Variants in COG5 observed in about 807,000 individuals in gnomAD.
The protein encoded by COG5 is component of oligomeric golgi complex 5, also known as conserved oligomeric Golgi complex subunit 5.
Under a neutral mutation model 110.4 loss-of-function variants are expected in COG5, and 86 were observed. The ratio of observed to expected loss-of-function variants is 0.78; its 90% CI spans 0.65 to 0.93. The LOEUF (loss-of-function observed/expected upper bound fraction) is 0.93. Among genes scored for constraint, COG5 ranks in the 40% least tolerant of loss-of-function variants. The pLI, the probability that COG5 is intolerant of heterozygous loss-of-function variation, is 0.00. For missense variants in COG5, 1,077 were observed against 987.0 expected, an observed-to-expected ratio of 1.09 and a Z score of -1.22; for synonymous variants, 360 against 334.6, an observed-to-expected ratio of 1.08 and a Z score of -0.83.
chr7:107,501,547 G>T (rs911619751), intron 6 of COG5, among the ~76,000 whole-genome samples: 2 of 152,042 alleles, frequency 1.3e-5, no homozygotes, highest in African/African-American at 2.4e-5. Flanking sequence ...CCTTGTTTTT[G>T]TCTAGATGTT....
At chr7:107,420,460 A>G (rs769343899) in intron 6 of COG5, among the ~76,000 whole-genome samples, 2 of 152,090 alleles carry the variant, frequency 1.3e-5, no homozygotes, top group Non-Finnish European at 2.9e-5. Flanking sequence ...ACACAGGTTA[A>G]AATTTGTTTG....
chr7:107,400,898 C>G, intron 7 of COG5, among the ~76,000 whole-genome samples: 1 of 151,822 alleles, frequency 6.6e-6, no homozygotes, highest in Non-Finnish European at 1.5e-5. Flanking sequence ...ACAGAAATGC[C>G]GTATGGTAAT....
At chr7:107,540,323 A>G (rs1310082696) in intron 5 of COG5, among the ~76,000 whole-genome samples, 1 of 152,086 alleles carries the variant, frequency 6.6e-6, no homozygotes, top group Admixed American at 6.6e-5. Flanking sequence ...CTGCAATCCC[A>G]GCATTTTGGG....
Position 107,474,348 on chromosome 7 carries a change from T to C in COG5, c.538+52889A>G, listed in dbSNP as rs1796839317. The C allele has an allele frequency of 1.2e-6, 2 of 1,612,452 alleles. No homozygotes were observed. The highest frequency in any genetic ancestry group is 1.1e-5 in the South Asian group (1 of 91,032). On this transcript the variant is annotated intron_variant, in intron 6 of 21. Transcript: ENST00000297135. The surrounding 1 kb of genome is among the most constrained non-coding windows in gnomAD (Gnocchi z 5.7). ...ATGTAATAATTTGTGTGGGATGTAT[T>C]CCTCTAACTATAGTTATCCTTCTGC...
In COG5 at chr7:107,553,223, C is replaced by A. The variant is rs1161862659; in HGVS notation, c.292+1062G>T. ...TCTCAGGTACAAACCTACACATATA[C>A]CCCCCCGGATCTAAAATAAAAGTTG... is the stretch of plus-strand genomic sequence containing the variant. On this transcript the variant is annotated intron_variant, in intron 3 of 21. Coordinates refer to ENST00000297135, the MANE Select transcript of COG5 (RefSeq NM_006348.5). Among the ~76,000 whole-genome samples, 3 of 151,876 alleles carry A rather than the reference C, an allele frequency of 2.0e-5. No homozygotes were observed. The East Asian group carries it at 5.8e-4, about 29-fold the overall frequency.
In COG5 at chr7:107,314,668, G is replaced by C. The variant is rs1320142931; in HGVS notation, c.1108+9772C>G. ...GGAGGCTGAGGCAGGAGAATTGCTT[G>C]AACCCAGGAGGCAGAGGTTGCAGTG... On this transcript the variant is annotated intron_variant, in intron 11 of 21. Coordinates refer to ENST00000297135, the MANE Select transcript of COG5 (RefSeq NM_006348.5). Among the ~76,000 whole-genome samples the C allele has an allele frequency of 2.0e-5, 3 of 151,372 alleles. No homozygotes were observed. In the East Asian group the frequency reaches 5.8e-4, roughly 29 times the overall value.
chr7:107,411,583 G>A (rs976204558), intron 7 of COG5, among the ~76,000 whole-genome samples: 2 of 151,880 alleles, frequency 1.3e-5, no homozygotes, highest in African/African-American at 4.8e-5. Flanking sequence ...TCACACTGTG[G>A]TATTCATTCT....
chr7:107,489,037 T>TTC (rs1477452668), intron 6 of COG5, among the ~76,000 whole-genome samples: 1 of 152,178 alleles, frequency 6.6e-6, no homozygotes, highest in Non-Finnish European at 1.5e-5. Flanking sequence ...GAAAAAGTTT[T>TTC]TCTCTATTTT....
chr7:107,455,863 T>C (rs1795634523), intron 6 of COG5, among the ~76,000 whole-genome samples: 1 of 150,920 alleles, frequency 6.6e-6, no homozygotes, highest in Non-Finnish European at 1.5e-5. Context: ...GTGCTATCTC[T>C]GCACACTGCA....
chr7:107,384,769 A>G (rs1815431685), intron 7 of COG5, among the ~76,000 whole-genome samples: 1 of 152,174 alleles, frequency 6.6e-6, no homozygotes, highest in African/African-American at 2.4e-5. Flanking sequence ...GTCTGTAAGC[A>G]AGAAGCAGAG....
chr7:107,228,949 T>A lies in COG5; in HGVS notation c.2168+1666A>T, dbSNP rs191296980. Among the ~76,000 whole-genome samples, 9 of 152,340 alleles carry A rather than the reference T, an allele frequency of 5.9e-5. No individual in the cohort carries two copies. In the East Asian group the frequency reaches 1.7e-3, roughly 29 times the overall value. On this transcript the variant is annotated intron_variant, in intron 19 of 21. Transcript: ENST00000297135. ...GATCATTTAAAGGACATACTGCTTA[T>A]TGATCCTCTAGTTTCCAGTACTGAG...
intron 6 of COG5, among the ~76,000 whole-genome samples, chr7:107,496,485 C>G (rs1195328625): frequency 6.6e-6 from 1 of 151,692 alleles, no homozygotes; most frequent in Non-Finnish European, 1.5e-5. Flanking sequence ...ATGGAGAAAC[C>G]CCCATCTCTA....
At chr7:107,497,278 G>A (rs1798342089) in intron 6 of COG5, among the ~76,000 whole-genome samples, 1 of 152,252 alleles carries the variant, frequency 6.6e-6, no homozygotes, top group South Asian at 2.1e-4. Context: ...AACTTCTATA[G>A]TGTTGGAAAT....
At chr7:107,288,925 T>G (rs879516992) in intron 12 of COG5, among the ~76,000 whole-genome samples, 11,301 of 47,126 alleles carry the variant, frequency 0.24, 977 homozygotes, top group Non-Finnish European at 0.27. Context: ...TATATATATA[T>G]ATATATATAT....
At chr7:107,421,326 A>G (rs890719339) in intron 6 of COG5, among the ~76,000 whole-genome samples, 1 of 152,174 alleles carries the variant, frequency 6.6e-6, no homozygotes, top group Non-Finnish European at 1.5e-5. Context: ...AGGGATATAT[A>G]AACAGTGACC....
chr7:107,434,137 C>T (rs1417434737), intron 6 of COG5, among the ~76,000 whole-genome samples: 1 of 151,940 alleles, frequency 6.6e-6, no homozygotes, highest in Non-Finnish European at 1.5e-5. Flanking sequence ...AGAATGGCCA[C>T]TATTAAAAAA....
intron 6 of COG5, among the ~76,000 whole-genome samples, chr7:107,450,947 A>G (rs777160844): frequency 1.2e-4 from 18 of 152,188 alleles, no homozygotes; most frequent in Non-Finnish European, 2.1e-4. Flanking sequence ...CGCCAACCAC[A>G]ACAACTCTAA....
rs1427143454 is a variant in COG5, at chr7:107,381,322, G to C, written c.670-8562C>G. On this transcript the variant is annotated intron_variant, in intron 7 of 21. Coordinates refer to ENST00000297135, the MANE Select transcript of COG5 (RefSeq NM_006348.5). Reference sequence around the variant, plus strand: ...AATGTCTAGAAAAGAGAGGTAAACAGAATTATTTGACATGTTTAGCTACAT... The same window carrying C: ...AATGTCTAGAAAAGAGAGGTAAACACAATTATTTGACATGTTTAGCTACAT... 2.6e-5 allele frequency among the ~76,000 whole-genome samples: 4 copies of C among 152,230 alleles called. No homozygotes were observed. The South Asian group carries it at 8.3e-4, about 32-fold the overall frequency.
At chr7:107,376,859 T>C (rs576064265) in intron 7 of COG5, among the ~76,000 whole-genome samples, 1 of 152,240 alleles carries the variant, frequency 6.6e-6, no homozygotes, top group East Asian at 1.9e-4. Context: ...TTATTAAGTA[T>C]GTATTGAGAT....
Sources: gnomAD v4.1 joint callset for allele counts (sites outside exome capture counted in the v4.1 genomes callset) on GRCh38, gnomAD v4.1.1 for gene constraint, Gnocchi (gnomAD v3.1) non-coding constraint, MANE v1.5 for transcripts, NCBI Gene and HGNC (gene_info 2026-07-23, HGNC 2026-07-21) for gene names.